Variants in EPHA3 observed in about 807,000 individuals in gnomAD.
EPHA3 encodes the protein EPH receptor A3, also known as ephrin type-A receptor 3.
EPHA3 carries 42 observed loss-of-function variants against 107.1 expected under a neutral mutation model. The ratio of observed to expected loss-of-function variants is 0.39; its 90% CI spans 0.31 to 0.51. The LOEUF is 0.51. Among genes scored for constraint, EPHA3 ranks in the 20% least tolerant of loss-of-function variants. The pLI is 0.78. For missense variants in EPHA3, 1,183 were observed against 1,211.2 expected, an observed-to-expected ratio of 0.98 and a Z score of 0.35; for synonymous variants, 461 against 424.8, an observed-to-expected ratio of 1.09 and a Z score of -1.05.
chr3:89,382,202 T>A (rs1183719132), intron 5 of EPHA3, among the ~76,000 whole-genome samples: 2 of 152,064 alleles, frequency 1.3e-5, no homozygotes, highest in Non-Finnish European at 2.9e-5. Context: ...CAGGAGAAGG[T>A]TGCCACTAAA....
At chr3:89,109,394 G>C (rs1424014648) in intron 1 of EPHA3, among the ~76,000 whole-genome samples, 1 of 151,872 alleles carries the variant, frequency 6.6e-6, no homozygotes, top group East Asian at 1.9e-4. Flanking sequence ...AAAAATTTTT[G>C]TTCTTTGCAG....
chr3:89,340,017 CAA>C (rs991038654), intron 3 of EPHA3, among the ~76,000 whole-genome samples: 12 of 152,066 alleles, frequency 7.9e-5, no homozygotes, highest in African/African-American at 2.9e-4. Flanking sequence ...AAAAATGCAT[CAA>C]AAGAAGTAAT....
intron 16 of EPHA3, among the ~76,000 whole-genome samples, chr3:89,476,668 C>T (rs1398262254): frequency 4.0e-5 from 6 of 150,696 alleles, no homozygotes; most frequent in African/African-American, 1.2e-4. Flanking sequence ...AGTGCAGTGG[C>T]GCGATCTCGG....
chr3:89,476,168 G>A (rs1237024866), intron 16 of EPHA3, among the ~76,000 whole-genome samples: 1 of 145,590 alleles, frequency 6.9e-6, no homozygotes, highest in Non-Finnish European at 1.5e-5. Context: ...TTTATATATT[G>A]TAGATAACAT....
At chr3:89,229,029 T>G (rs1292702510) in intron 3 of EPHA3, among the ~76,000 whole-genome samples, 1 of 151,990 alleles carries the variant, frequency 6.6e-6, no homozygotes, top group Non-Finnish European at 1.5e-5. Flanking sequence ...ACTTCCCTTT[T>G]CACTATTTCT....
intron 3 of EPHA3, among the ~76,000 whole-genome samples, chr3:89,313,657 GTAT>G (rs1275740355): frequency 1.3e-5 from 2 of 151,758 alleles, no homozygotes; most frequent in East Asian, 3.9e-4. Context: ...GTTTCCATAT[GTAT>G]TATATCATAT....
At position 89,472,604 on chromosome 3, in the gene EPHA3, C is replaced by A. The variant is rs2107575402; in HGVS notation, c.2831C>A (p.Ala944Asp). Residue 944 changes from alanine (A) to aspartate (D), a missense_variant, in exon 16 of 17, where the codon GCC (alanine) becomes GAC (aspartate). Ala to Asp is a moderately radical substitution (Grantham distance 126). Coordinates refer to ENST00000336596, the MANE Select transcript of EPHA3 (RefSeq NM_005233.6). ...GAGTACAGTTCTTGTGACACAATAG[C>A]CAAGATTTCCACAGAGTAAGAAAAA... ...GVEYSSCDTIAKISTDDMKKV... is the reference protein window; with the variant it reads ...GVEYSSCDTIDKISTDDMKKV... 6.2e-7 allele frequency: 1 copy of A among 1,609,402 alleles called. No homozygotes were observed.
intron 3 of EPHA3, among the ~76,000 whole-genome samples, chr3:89,282,524 G>A (rs1705973529): frequency 6.6e-6 from 1 of 151,796 alleles, no homozygotes; most frequent in Admixed American, 6.6e-5. Flanking sequence ...TCCTACACAT[G>A]GAAGAGCAAA....
At chr3:89,408,819 G>T (rs566447883) in intron 9 of EPHA3, among the ~76,000 whole-genome samples, 2 of 152,000 alleles carry the variant, frequency 1.3e-5, no homozygotes, top group Non-Finnish European at 2.9e-5. Flanking sequence ...AGCTTAAATA[G>T]CATGTTCTCA....
At chr3:89,312,979 C>T (rs2137486) in intron 3 of EPHA3, among the ~76,000 whole-genome samples, 4,198 of 152,004 alleles carry the variant, frequency 0.028, 190 homozygotes, top group African/African-American at 0.096. Flanking sequence ...TTTATCTGGT[C>T]TGTAATTAAT....
intron 5 of EPHA3, among the ~76,000 whole-genome samples, chr3:89,381,157 A>G (rs1708497472): frequency 6.6e-6 from 1 of 151,336 alleles, no homozygotes; most frequent in African/African-American, 2.4e-5. Context: ...TATTTTTAGT[A>G]GAGACGGGGT....
intron 3 of EPHA3, among the ~76,000 whole-genome samples, chr3:89,276,446 T>A (rs930449873): frequency 5.9e-5 from 9 of 152,094 alleles, no homozygotes; most frequent in Non-Finnish European, 1.3e-4. Flanking sequence ...TGCCTGACTG[T>A]GAAGAGAATG....
chr3:89,187,420 A>G (rs1705594116), intron 2 of EPHA3, among the ~76,000 whole-genome samples: 1 of 149,804 alleles, frequency 6.7e-6, no homozygotes, highest in Non-Finnish European at 1.5e-5. Flanking sequence ...TCATAAGTGT[A>G]TAAAGCTATA....
chr3:89,111,501 C>T (rs186010826), intron 1 of EPHA3, among the ~76,000 whole-genome samples: 256 of 126,404 alleles, frequency 2.0e-3, no homozygotes, highest in African/African-American at 6.3e-3. Context: ...AATAGCTCAC[C>T]CCTACATCCC....
chr3:89,122,443 T>C (rs535240346), intron 1 of EPHA3, among the ~76,000 whole-genome samples: 2 of 152,358 alleles, frequency 1.3e-5, no homozygotes, highest in African/African-American at 4.8e-5. Context: ...GAAATGATTG[T>C]TTAATAATTA....
chr3:89,171,221 C>G (rs1705202680), intron 2 of EPHA3, among the ~76,000 whole-genome samples: 1 of 152,034 alleles, frequency 6.6e-6, no homozygotes, highest in Admixed American at 6.5e-5. Flanking sequence ...GTGGTAAGTT[C>G]TCTGTGAGAG....
intron 1 of EPHA3, among the ~76,000 whole-genome samples, chr3:89,111,198 A>G (rs1470427097): frequency 6.6e-6 from 1 of 152,106 alleles, no homozygotes; most frequent in African/African-American, 2.4e-5. Context: ...AAACTTGCAT[A>G]TGAATATTAT....
At chr3:89,282,479 C>T (rs1187956490) in intron 3 of EPHA3, among the ~76,000 whole-genome samples, 1 of 151,750 alleles carries the variant, frequency 6.6e-6, no homozygotes, top group Non-Finnish European at 1.5e-5. Flanking sequence ...GTTTCTTTTC[C>T]CACCTTTTTT....
At chr3:89,165,239 G>A (rs1705036986) in intron 2 of EPHA3, among the ~76,000 whole-genome samples, 1 of 152,110 alleles carries the variant, frequency 6.6e-6, no homozygotes, top group Non-Finnish European at 1.5e-5. Flanking sequence ...AGAACACAAA[G>A]AACTTTCACT....
Sources: allele counts gnomAD v4.1 joint callset (sites outside exome capture counted in the v4.1 genomes callset), GRCh38; gene constraint gnomAD v4.1.1; transcripts MANE v1.5; gene names NCBI Gene and HGNC (gene_info 2026-07-23, HGNC 2026-07-21).